XIRP2: variants seen among roughly 807,000 people sequenced by gnomAD.
XIRP2 encodes the protein xin actin-binding repeat-containing protein 2.
In XIRP2, 236 loss-of-function variants were observed where a neutral mutation model predicts 277.0. The observed-to-expected ratio is 0.85, with a 90% CI of 0.77 to 0.95. XIRP2 has a LOEUF of 0.95. XIRP2 is among the 40% of genes least tolerant of loss of function. The pLI is 0.00. For synonymous variants in XIRP2, 1,490 were observed against 1,416.5 expected (o/e 1.05, Z -1.17); for missense variants, 4,640 against 4,157.5 (o/e 1.12, Z -3.19).
intron 3 of XIRP2, among the ~76,000 whole-genome samples, chr2:167,155,942 A>C: frequency 6.7e-6 from 1 of 150,316 alleles, no homozygotes; most frequent in East Asian, 1.9e-4. Context: ...AAGCATTCTT[A>C]TACACCAATA....
chr2:167,190,258 T>C (rs931025913), intron 3 of XIRP2, among the ~76,000 whole-genome samples: 7 of 152,152 alleles, frequency 4.6e-5, no homozygotes, highest in Non-Finnish European at 1.0e-4. Context: ...CATTGCTGAT[T>C]GAACTCAATC....
At chr2:167,119,522 G>A (rs1690993347) in intron 2 of XIRP2, among the ~76,000 whole-genome samples, 2 of 152,164 alleles carry the variant, frequency 1.3e-5, no homozygotes, top group Admixed American at 6.5e-5. Flanking sequence ...GAGAACCATT[G>A]CACTTGAACT....
chr2:167,107,461 A>G (rs1211056279), intron 2 of XIRP2, among the ~76,000 whole-genome samples: 1 of 151,772 alleles, frequency 6.6e-6, no homozygotes, highest in Admixed American at 6.6e-5. Flanking sequence ...ATATGATCCT[A>G]TAATTTTTCT....
At chr2:167,030,118 G>T (rs1317564517) in intron 2 of XIRP2, among the ~76,000 whole-genome samples, 1 of 151,736 alleles carries the variant, frequency 6.6e-6, no homozygotes, top group Non-Finnish European at 1.5e-5. Context: ...TTCTTTATTA[G>T]TCTGGCTAGC....
At chr2:166,959,713 A>T (rs1379836565) in intron 2 of XIRP2, among the ~76,000 whole-genome samples, 1 of 151,776 alleles carries the variant, frequency 6.6e-6, no homozygotes, top group African/African-American at 2.4e-5. Context: ...TTGGAGTTAG[A>T]CTTTAATACC....
intron 8 of XIRP2, 126 bp from the exon 9 acceptor site, chr2:167,242,443 A>G (rs1316932064): frequency 1.0e-6 from 1 of 955,168 alleles, no homozygotes; most frequent in Admixed American, 2.5e-5. Context: ...AAATGAGTAT[A>G]TCACATATTG....
At chr2:167,025,660 G>T (rs1332566743) in intron 2 of XIRP2, among the ~76,000 whole-genome samples, 2 of 151,974 alleles carry the variant, frequency 1.3e-5, no homozygotes. Flanking sequence ...TTGTGTCTTT[G>T]TTCTCATTGG....
chr2:166,999,792 A>C (rs1307969630), intron 2 of XIRP2, among the ~76,000 whole-genome samples: 1 of 152,184 alleles, frequency 6.6e-6, no homozygotes, highest in African/African-American at 2.4e-5. Context: ...GACATAGAGA[A>C]CTAAAAATTC....
At position 166,994,812 on chromosome 2, in the gene XIRP2, G is replaced by A. The variant is rs1574143200; in HGVS notation, c.408+90922G>A. 2.0e-5 allele frequency among the ~76,000 whole-genome samples: 3 copies of A among 151,524 alleles called. 1 individual carries two copies. The highest frequency in any genetic ancestry group is 7.3e-5 in the African/African-American group (3 of 41,346). ...TTATGTAAATGATGATGTCATTAGG[G>A]GAAACTAGTTTAAGGGTTTACAGGA... On this transcript the variant is annotated intron_variant, in intron 2 of 10. Coordinates refer to ENST00000409195, the MANE Select transcript of XIRP2 (RefSeq NM_152381.6).
chr2:166,958,244 A>C (rs1686213862), intron 2 of XIRP2, among the ~76,000 whole-genome samples: 1 of 151,928 alleles, frequency 6.6e-6, no homozygotes, highest in Admixed American at 6.6e-5. Flanking sequence ...GATGGCAATT[A>C]AAATGCTTGG....
intron 2 of XIRP2, among the ~76,000 whole-genome samples, chr2:166,974,653 G>A (rs1686664073): frequency 1.3e-5 from 2 of 152,068 alleles, no homozygotes; most frequent in Non-Finnish European, 2.9e-5. Context: ...TAAGGAGGTA[G>A]AGTTAAAAGG....
At chr2:166,924,202 A>G (rs1685127771) in intron 2 of XIRP2, among the ~76,000 whole-genome samples, 1 of 152,108 alleles carries the variant, frequency 6.6e-6, no homozygotes, top group Admixed American at 6.6e-5. Context: ...TATAACAGAG[A>G]CAGAAAACAT....
rs1685348990 is a variant in XIRP2, at chr2:166,931,831, T to C, written c.408+27941T>C. Among the ~76,000 whole-genome samples the C allele has an allele frequency of 5.3e-5, 8 of 152,198 alleles. No homozygotes were observed. In the South Asian group the frequency reaches 1.7e-3, roughly 31 times the overall value. On this transcript the variant is annotated intron_variant, in intron 2 of 10. Transcript: ENST00000409195. ...ACAATTCCTTGCTTATGTTTAGCTTTAACTGATTAATACAAGTAGTTCTCC... is the reference window on the plus strand; with the variant it reads ...ACAATTCCTTGCTTATGTTTAGCTTCAACTGATTAATACAAGTAGTTCTCC...
At chr2:167,099,717 C>A (rs1405402135) in intron 2 of XIRP2, among the ~76,000 whole-genome samples, 4 of 152,140 alleles carry the variant, frequency 2.6e-5, no homozygotes, top group Admixed American at 2.6e-4. Context: ...ATAGCACCAT[C>A]CCTCACGGCA....
chr2:167,011,283 G>A (rs7580770), intron 2 of XIRP2, among the ~76,000 whole-genome samples: 2 of 150,516 alleles, frequency 1.3e-5, no homozygotes, highest in Non-Finnish European at 3.0e-5. Flanking sequence ...TAGCATGAAG[G>A]GTTGTTGAAT....
chr2:167,252,134 G>A (rs945891168), intron 9 of XIRP2, among the ~76,000 whole-genome samples, 187 bp downstream of exon 9: 4 of 151,928 alleles, frequency 2.6e-5, no homozygotes, highest in Non-Finnish European at 5.9e-5. Context: ...TTTCACAAAA[G>A]CATAGAGTAT....
In XIRP2 at chr2:167,244,479, T is replaced by C; in HGVS notation, c.3087T>C (p.Phe1029=). 1 of 1,613,770 alleles carries C rather than the reference T, an allele frequency of 6.2e-7. No individual in the cohort carries two copies. The highest frequency in any genetic ancestry group is 8.5e-7 in the Non-Finnish European group (1 of 1,179,824). ...TTGAAACAAGGCCCATTGACCAGTT[T>C]GATGAAAGCATTCATAAATTTCAAA... ...WLFETRPIDQ[F]DESIHKFQII... The change falls in exon 9 of 11, where the codon TTT becomes TTC. Residue 1029 remains phenylalanine (F), a synonymous_variant. Coordinates refer to ENST00000409195, the MANE Select transcript of XIRP2 (RefSeq NM_152381.6).
intron 2 of XIRP2, among the ~76,000 whole-genome samples, chr2:167,000,694 T>C (rs1037312363): frequency 1.3e-5 from 2 of 152,112 alleles, no homozygotes; most frequent in Admixed American, 6.5e-5. Flanking sequence ...TACCCAGAGG[T>C]AAACATTTTA....
At chr2:167,133,551 C>T (rs1320212079) in intron 2 of XIRP2, among the ~76,000 whole-genome samples, 1 of 152,192 alleles carries the variant, frequency 6.6e-6, no homozygotes, top group Non-Finnish European at 1.5e-5. Flanking sequence ...AATCAAATCA[C>T]ATTTCCATGT....
Sources: gnomAD v4.1 joint callset for allele counts (sites outside exome capture counted in the v4.1 genomes callset) on GRCh38, gnomAD v4.1.1 for gene constraint, MANE v1.5 for transcripts, NCBI Gene and HGNC (gene_info 2026-07-23, HGNC 2026-07-21) for gene names.